DDX17: variants seen among roughly 807,000 people sequenced by gnomAD.
DDX17 encodes DEAD-box helicase 17.
DDX17 carries 10 observed loss-of-function variants against 80.8 expected under a neutral mutation model. The ratio of observed to expected loss-of-function variants is 0.12; its 90% CI spans 0.08 to 0.21. DDX17 has a LOEUF of 0.21. DDX17 is among the 10% of genes least tolerant of loss of function. The pLI, the probability that DDX17 is intolerant of heterozygous loss-of-function variation, is 1.00. For synonymous variants in DDX17, 339 were observed against 336.2 expected, an observed-to-expected ratio of 1.01 and a Z score of -0.09; for missense variants, 586 against 957.4, an observed-to-expected ratio of 0.61 and a Z score of 5.12.
chr22:38,486,044 G>A lies in DDX17; in HGVS notation c.2081C>T (p.Ser694Leu). The A allele has an allele frequency of 6.2e-7, 1 of 1,614,106 alleles. No homozygotes were observed. Among genetic ancestry groups the A allele is most frequent in the East Asian group, 2.2e-5 (1 of 44,870 alleles). The change falls in exon 13 of 13, where the codon TCA becomes TTA. Residue 694 changes from serine (S) to leucine (L), a missense_variant. By Grantham distance (145) the Ser-to-Leu change is moderately radical. Transcript: ENST00000403230. ...TCCCGGAGGCTGTGCAAACTGTTGTGACATCAGTGGCTGTGGCTGCTGCCC... is the reference window on the plus strand; with the variant it reads ...TCCCGGAGGCTGTGCAAACTGTTGTAACATCAGTGGCTGTGGCTGCTGCCC...
chr22:38,492,476 ATAT>A (rs1332205151), intron 10 of DDX17, among the ~76,000 whole-genome samples: 3 of 152,128 alleles, frequency 2.0e-5, no homozygotes, highest in Non-Finnish European at 4.4e-5. Context: ...AAAGGTATGC[ATAT>A]TATTTATTTT....
chr22:38,496,880 CTAA>C (rs1569140725), intron 5 of DDX17, among the ~76,000 whole-genome samples: 2 of 152,138 alleles, frequency 1.3e-5, no homozygotes, highest in Admixed American at 6.6e-5. Flanking sequence ...TAGATATCAA[CTAA>C]TAATAATGCT....
Position 38,498,574 on chromosome 22 carries a change from C to T in DDX17, c.539-1G>A. 1 of 1,613,376 alleles carries T rather than the reference C, an allele frequency of 6.2e-7. No individual in the cohort carries two copies. Among genetic ancestry groups the T allele is most frequent in the Non-Finnish European group, 8.5e-7 (1 of 1,179,422 alleles). The stretch of plus-strand genomic sequence containing the variant: ...TCCATCAACACATCCATTACATATT[C>T]TGTAAGAGAATTTTATTTTGCGTAT... On this transcript the variant is annotated splice_acceptor_variant, in intron 3 of 12. Coordinates refer to ENST00000403230, the MANE Select transcript of DDX17 (RefSeq NM_006386.5). LOFTEE classifies it high-confidence loss of function.
chr22:38,486,409 T>C lies in DDX17; in HGVS notation c.1716A>G (p.Ser572=). The C allele has an allele frequency of 1.9e-6, 3 of 1,612,012 alleles. No homozygotes were observed. The highest frequency in any genetic ancestry group is 2.5e-6 in the Non-Finnish European group (3 of 1,178,924). ...GATACATCAGATTGGGATTGTTGGC[T>C]GAAGAAGTGGTCCGGTAACGAGAAC... Residue 572 remains serine (S), a synonymous_variant, in exon 13 of 13, where the codon TCA becomes TCG. Coordinates refer to ENST00000403230, the MANE Select transcript of DDX17 (RefSeq NM_006386.5).
At chr22:38,498,252 C>T (rs2089790298) in intron 4 of DDX17, 102 bp from the exon 5 acceptor site, 1 of 1,445,530 alleles carries the variant, frequency 6.9e-7, no homozygotes. Flanking sequence ...AAGTGAAAAA[C>T]AGAACTTACC....
Position 38,495,979 on chromosome 22 carries a change from TAAAAAAAAA to T in DDX17, c.739-51_739-43del, listed in dbSNP as rs201173235. ...GACACTTGAGACCTCATCCAAGGTT[TAAAAAAAAA>T]AAAAAAAAAAAGAAGAAACAAAATA... On this transcript the variant is annotated intron_variant, in intron 5 of 12. Transcript: ENST00000403230. 52 of 803,946 alleles carry T rather than the reference TAAAAAAAAA, an allele frequency of 6.5e-5. 1 individual carries two copies. In the Middle Eastern group the frequency reaches 1.3e-3, roughly 20 times the overall value. The allele number at this position is 803,946 out of a possible 1,614,324, so 49.8% of individuals were successfully genotyped here. A position where few individuals can be genotyped will look rare whatever the true frequency, so the allele number is the denominator to read the frequency against.
In DDX17 at chr22:38,485,878, G is replaced by A; in HGVS notation, c.*57C>T. 2.6e-6 allele frequency: 4 copies of A among 1,518,444 alleles called. No individual in the cohort carries two copies. Among genetic ancestry groups the A allele is most frequent in the Non-Finnish European group, 2.6e-6 (3 of 1,132,826 alleles). The allele number at this position is 1,518,444 out of a possible 1,614,324, so 94.1% of individuals were successfully genotyped here. A position where few individuals can be genotyped will look rare whatever the true frequency, so the allele number is the denominator to read the frequency against. On this transcript the variant is annotated 3_prime_UTR_variant, in exon 13 of 13. Transcript: ENST00000403230. The stretch of plus-strand genomic sequence containing the variant: ...AGGCGAAGAGGAAAAAAAAAGGAAA[G>A]ACAGTGTTCCTTAAAATGTAATTAA...
In DDX17 at chr22:38,492,075, A is replaced by G. The variant is rs1295624830; in HGVS notation, c.1428T>C (p.Asp476=). The stretch of plus-strand genomic sequence containing the variant: ...ACAAACCTAGCCCACGGGAGGCTAC[A>G]TCTGTAGCAATAAGGATGGGTGCCT... Residue 476 remains aspartate, a synonymous_variant, in exon 11 of 13, where the codon GAT becomes GAC. Coordinates refer to ENST00000403230, the MANE Select transcript of DDX17 (RefSeq NM_006386.5). 1.2e-6 allele frequency: 2 copies of G among 1,612,202 alleles called. No individual in the cohort carries two copies. Among genetic ancestry groups the G allele is most frequent in the Non-Finnish European group, 8.5e-7 (1 of 1,179,118 alleles).
chr22:38,505,755 A>G (rs1748535473), intron 1 of DDX17, 196 bp downstream of exon 1: 1 of 643,306 alleles, frequency 1.6e-6, no homozygotes, highest in Admixed American at 3.7e-5. Flanking sequence ...CAGCGTCGCC[A>G]AGCGGCCGCC....
intron 1 of DDX17, among the ~76,000 whole-genome samples, chr22:38,502,457 C>T (rs1008937788): frequency 6.7e-6 from 1 of 149,818 alleles, no homozygotes; most frequent in African/African-American, 2.4e-5. Flanking sequence ...ACCTTTCCTT[C>T]TTCTTTGATC....
intron 5 of DDX17, 42 bp from the exon 6 acceptor site, chr22:38,495,979 TAA>T (rs201173235): frequency 0.022 from 17,212 of 791,664 alleles, no homozygotes; most frequent in East Asian, 0.036. Context: ...ATCCAAGGTT[TAA>T]AAAAAAAAAA....
chr22:38,487,855 G>A (rs779349531), intron 12 of DDX17, 24 bp downstream of exon 12: 42 of 1,613,306 alleles, frequency 2.6e-5, no homozygotes, highest in Non-Finnish European at 3.4e-5. Context: ...GCAGTACCTG[G>A]AAAACTCCAG....
intron 11 of DDX17, chr22:38,488,321 G>C (rs1187080626): frequency 4.8e-6 from 7 of 1,453,306 alleles, no homozygotes; most frequent in Non-Finnish European, 5.4e-6. Context: ...ACATGCATAG[G>C]AAATAGGATC....
intron 11 of DDX17, 102 bp from the exon 12 acceptor site, chr22:38,488,217 G>A (rs1159308402): frequency 2.5e-6 from 4 of 1,599,244 alleles, no homozygotes; most frequent in South Asian, 1.1e-5. Context: ...GCAGATGACA[G>A]CAAGAGGAAA....
In DDX17 at chr22:38,489,535, T is replaced by A. The variant is rs1448281442; in HGVS notation, c.1448-1420A>T. 1 of 983,828 alleles carries A rather than the reference T, an allele frequency of 1.0e-6. No homozygotes were observed. The highest frequency in any genetic ancestry group is 1.2e-6 in the Non-Finnish European group (1 of 829,146). The allele number at this position is 983,828 out of a possible 1,614,324, so 60.9% of individuals were successfully genotyped here. ...TGGGGTGATTGTAGAAAAAAATAAT[T>A]AATAAAAAAAAATGTAAGTTACATC... On this transcript the variant is annotated intron_variant, in intron 11 of 12. Transcript: ENST00000403230. The surrounding 1 kb of genome is among the most constrained non-coding windows in gnomAD (Gnocchi z 4.6).
chr22:38,499,117 T>C (rs939272112), intron 3 of DDX17, among the ~76,000 whole-genome samples: 3 of 152,234 alleles, frequency 2.0e-5, no homozygotes, highest in Non-Finnish European at 4.4e-5. Context: ...TGGTAGTCAT[T>C]TATTGTTTAG....
chr22:38,485,817 T>C lies in DDX17; in HGVS notation c.*118A>G, dbSNP rs78618850. 1 of 1,034,704 alleles carries C rather than the reference T, an allele frequency of 9.7e-7. No homozygotes were observed. Among genetic ancestry groups the C allele is most frequent in the Non-Finnish European group, 1.3e-6 (1 of 784,830 alleles). The allele number at this position is 1,034,704 out of a possible 1,614,324, so 64.1% of individuals were successfully genotyped here. Reference sequence around the variant, plus strand: ...AATCACGATGGTTGGGGGGAAAAATTAAAAAAAAAAAAAGAAAAAAGGAAA... The same window carrying C: ...AATCACGATGGTTGGGGGGAAAAATCAAAAAAAAAAAAAGAAAAAAGGAAA... On this transcript the variant is annotated 3_prime_UTR_variant, in exon 13 of 13. Transcript: ENST00000403230.
At chr22:38,490,183 G>T in intron 11 of DDX17, 1 of 1,197,190 alleles carries the variant, frequency 8.4e-7, no homozygotes. Flanking sequence ...GATGTTATCT[G>T]TGCACTGCCA....
intron 12 of DDX17, among the ~76,000 whole-genome samples, chr22:38,487,123 G>A (rs868438477): frequency 2.6e-5 from 4 of 152,122 alleles, no homozygotes; most frequent in African/African-American, 7.2e-5. Flanking sequence ...AGCCGAGATC[G>A]TGCCACTGCA....
Sources: gnomAD v4.1 joint callset for allele counts (sites outside exome capture counted in the v4.1 genomes callset) on GRCh38, gnomAD v4.1.1 for gene constraint, Gnocchi (gnomAD v3.1) non-coding constraint, MANE v1.5 for transcripts, NCBI Gene and HGNC (gene_info 2026-07-23, HGNC 2026-07-21) for gene names.